Variants in SLC16A7 observed in about 807,000 individuals in gnomAD.
SLC16A7 encodes solute carrier family 16 member 7, also known as monocarboxylate transporter 2.
SLC16A7 carries 33 observed loss-of-function variants against 34.9 expected under a neutral mutation model. The ratio of observed to expected loss-of-function variants is 0.94; its 90% CI spans 0.72 to 1.26. SLC16A7 has a LOEUF of 1.26. Ranked by LOEUF, SLC16A7 falls within the 50% of genes most tolerant of loss-of-function variation. The pLI is 0.00. For synonymous variants in SLC16A7, 201 were observed against 206.6 expected (o/e 0.97, Z 0.23); for missense variants, 573 against 578.1 (o/e 0.99, Z 0.09).
In SLC16A7 at chr12:59,634,109, G is replaced by A. The variant is rs144183614; in HGVS notation, c.-129-21043G>A. 3.0e-4 allele frequency among the ~76,000 whole-genome samples: 46 copies of A among 152,168 alleles called. No homozygotes were observed. The East Asian group carries it at 7.8e-3, about 26-fold the overall frequency. ...TATCTTGTCCGTAGTCACATGGTTAGGATCACTTGATTCCAAATCTGCCAA... is the reference window on the plus strand; with the variant it reads ...TATCTTGTCCGTAGTCACATGGTTAAGATCACTTGATTCCAAATCTGCCAA... On this transcript the variant is annotated intron_variant, in intron 1 of 5. Transcript: ENST00000547379.
At chr12:59,723,551 G>A (rs1875865569) in intron 3 of SLC16A7, among the ~76,000 whole-genome samples, 1 of 151,956 alleles carries the variant, frequency 6.6e-6, no homozygotes, top group South Asian at 2.1e-4. Flanking sequence ...AATAATTGAT[G>A]AAAGGGAAAA....
In SLC16A7 at chr12:59,789,224, T is replaced by C. The variant is rs184248787; in HGVS notation, c.*9545T>C. ...GAAATGAATTGATAGATATTGATTATTAAAATGCTACTACAGTATTCTACG... is the reference window on the plus strand; with the variant it reads ...GAAATGAATTGATAGATATTGATTACTAAAATGCTACTACAGTATTCTACG... On this transcript the variant is annotated 3_prime_UTR_variant, in exon 6 of 6. Transcript: ENST00000547379. 12 of 152,272 alleles carry C rather than the reference T, an allele frequency of 7.9e-5. No homozygotes were observed. The allele number at this position is 152,272 out of a possible 1,614,324, so 9.4% of individuals were successfully genotyped here. A position where few individuals can be genotyped will look rare whatever the true frequency, so the allele number is the denominator to read the frequency against.
intron 2 of SLC16A7, among the ~76,000 whole-genome samples, chr12:59,703,633 A>C (rs1166297509): frequency 6.6e-6 from 1 of 152,080 alleles, no homozygotes; most frequent in East Asian, 1.9e-4. Context: ...CATTTTAGGG[A>C]TAGGGCCTGT....
At chr12:59,666,596 T>C (rs1429062928) in intron 2 of SLC16A7, among the ~76,000 whole-genome samples, 1 of 152,138 alleles carries the variant, frequency 6.6e-6, no homozygotes, top group Admixed American at 6.5e-5. Context: ...GAGTAAGTCC[T>C]GAGATCTGAT....
At chr12:59,716,558 C>CAAG (rs1300948920) in intron 3 of SLC16A7, among the ~76,000 whole-genome samples, 1 of 152,010 alleles carries the variant, frequency 6.6e-6, no homozygotes, top group Non-Finnish European at 1.5e-5. Context: ...TACAGAAATA[C>CAAG]AAGAATCAGC....
At chr12:59,674,812 A>C (rs1870173025) in intron 2 of SLC16A7, among the ~76,000 whole-genome samples, 2 of 152,216 alleles carry the variant, frequency 1.3e-5, no homozygotes, top group Non-Finnish European at 1.5e-5. Context: ...GTCATGCTAC[A>C]AAGATAGGAG....
In SLC16A7 at chr12:59,728,870, GA is replaced by G. The variant is rs1209615148; in HGVS notation, c.217+23853del. ...TTGTAGCGTACTTTTTTTCCTAGTAGAGGAAAATAGGAACCTAGAAATTCTG... is the reference window on the plus strand; with the variant it reads ...TTGTAGCGTACTTTTTTTCCTAGTAGGGAAAATAGGAACCTAGAAATTCTG... On this transcript the variant is annotated intron_variant, in intron 3 of 5. Coordinates refer to ENST00000547379, the MANE Select transcript of SLC16A7 (RefSeq NM_001270623.2). Among the ~76,000 whole-genome samples, 3 of 152,248 alleles carry G rather than the reference GA, an allele frequency of 2.0e-5. No individual in the cohort carries two copies. In the East Asian group the frequency reaches 5.8e-4, roughly 29 times the overall value.
chr12:59,648,446 C>T (rs997335712), intron 1 of SLC16A7, among the ~76,000 whole-genome samples: 6 of 152,176 alleles, frequency 3.9e-5, no homozygotes, highest in Middle Eastern at 3.4e-3. Flanking sequence ...GTACTTAGTA[C>T]GTTATATACG....
rs541075919 is a variant in SLC16A7, at chr12:59,639,936, A to T, written c.-129-15216A>T. On this transcript the variant is annotated intron_variant, in intron 1 of 5. Coordinates refer to ENST00000547379, the MANE Select transcript of SLC16A7 (RefSeq NM_001270623.2). ...CCAGATCTCCCACAACTTCTGTCCA[A>T]CATGGCCACAAATTGGGGATTCCAG... Among the ~76,000 whole-genome samples, 12 of 152,302 alleles carry T rather than the reference A, an allele frequency of 7.9e-5. No individual in the cohort carries two copies. The South Asian group carries it at 2.5e-3, about 32-fold the overall frequency.
In SLC16A7 at chr12:59,784,550, G is replaced by T. The variant is rs896407929; in HGVS notation, c.*4871G>T. The stretch of plus-strand genomic sequence containing the variant: ...CATTTAATACAACTTACCCTACACC[G>T]TAGCTTATTTTTCAAGTTTCTCTGA... On this transcript the variant is annotated 3_prime_UTR_variant, in exon 6 of 6. Coordinates refer to ENST00000547379, the MANE Select transcript of SLC16A7 (RefSeq NM_001270623.2). 1.3e-5 allele frequency: 2 copies of T among 151,984 alleles called. No individual in the cohort carries two copies. The highest frequency in any genetic ancestry group is 1.3e-4 in the Admixed American group (2 of 15,254). 9.4% of individuals were successfully genotyped at this position (151,984 alleles called of 1,614,324 possible). A position where few individuals can be genotyped will look rare whatever the true frequency, so the allele number is the denominator to read the frequency against.
At chr12:59,673,515 GTA>G (rs1870061532) in intron 2 of SLC16A7, among the ~76,000 whole-genome samples, 1 of 150,288 alleles carries the variant, frequency 6.7e-6, no homozygotes, top group African/African-American at 2.4e-5. Flanking sequence ...GTAATCTCTA[GTA>G]ATTTTTGTTA....
chr12:59,701,489 C>T (rs999266246), intron 2 of SLC16A7, among the ~76,000 whole-genome samples: 1 of 151,324 alleles, frequency 6.6e-6, no homozygotes, highest in Non-Finnish European at 1.5e-5. Flanking sequence ...TACATTCTGT[C>T]TTCTATTTTA....
rs1565641000 is a variant in SLC16A7 at position 59,671,957 on chromosome 12, ATATATGTGTATATATC to A, written c.-31+16708_-31+16723del. Among the ~76,000 whole-genome samples, 52 of 74,322 alleles carry A rather than the reference ATATATGTGTATATATC, an allele frequency of 7.0e-4. 9 individuals are homozygous for A. Among genetic ancestry groups the A allele is most frequent in the African/African-American group, 3.5e-3 (46 of 13,058 alleles). The allele number at this position is 74,322 out of a possible 152,430, so 48.8% of individuals were successfully genotyped here. ...TATATGTATATATGTGTATATATGTATATATGTGTATATATCCATATATCCGTATATATATGTGTAT... is the reference window on the plus strand; with the variant it reads ...TATATGTATATATGTGTATATATGTACATATATCCGTATATATATGTGTAT... On this transcript the variant is annotated intron_variant, in intron 2 of 5. Transcript: ENST00000547379.
chr12:59,610,077 A>G (rs1879126292), intron 1 of SLC16A7, among the ~76,000 whole-genome samples: 1 of 152,214 alleles, frequency 6.6e-6, no homozygotes, highest in South Asian at 2.1e-4. Context: ...TCCAAAATCC[A>G]TATTTTCCCT....
Position 59,780,415 on chromosome 12 carries a change from A to C in SLC16A7, c.*736A>C, listed in dbSNP as rs143247637. 212 of 152,232 alleles carry C rather than the reference A, an allele frequency of 1.4e-3. 1 individual carries two copies. Among genetic ancestry groups the C allele is most frequent in the Middle Eastern group, 6.8e-3 (2 of 294 alleles). 9.4% of individuals were successfully genotyped at this position (152,232 alleles called of 1,614,324 possible). On this transcript the variant is annotated 3_prime_UTR_variant, in exon 6 of 6. Coordinates refer to ENST00000547379, the MANE Select transcript of SLC16A7 (RefSeq NM_001270623.2). The stretch of plus-strand genomic sequence containing the variant: ...AAAAGAAAATCAATGTTAAACCATT[A>C]AATCTGAGCACTGTTAGACTTGATT...
intron 1 of SLC16A7, among the ~76,000 whole-genome samples, chr12:59,624,844 A>T (rs1363664352): frequency 6.6e-6 from 1 of 151,458 alleles, no homozygotes; most frequent in Non-Finnish European, 1.5e-5. Context: ...ATTGAGTGAC[A>T]GCAGGGCATA....
At chr12:59,769,711 T>G (rs1882038735) in intron 3 of SLC16A7, among the ~76,000 whole-genome samples, 1 of 151,726 alleles carries the variant, frequency 6.6e-6, no homozygotes, top group Admixed American at 6.6e-5. Context: ...TATAAAAGGA[T>G]ATGAGTGCAT....
intron 1 of SLC16A7, among the ~76,000 whole-genome samples, chr12:59,597,893 A>C (rs542643736): frequency 6.6e-6 from 1 of 152,362 alleles, no homozygotes; most frequent in African/African-American, 2.4e-5. Context: ...TTTGAATAAT[A>C]AGTGATCTGA....
At chr12:59,670,414 A>ACCC (rs539873573) in intron 2 of SLC16A7, among the ~76,000 whole-genome samples, 18 of 150,644 alleles carry the variant, frequency 1.2e-4, no homozygotes, top group African/African-American at 4.4e-4. Context: ...CTTCCAATCC[A>ACCC]CCCCCCCCAC....
Sources: allele counts gnomAD v4.1 joint callset (sites outside exome capture counted in the v4.1 genomes callset), GRCh38; gene constraint gnomAD v4.1.1; transcripts MANE v1.5; gene names NCBI Gene and HGNC (gene_info 2026-07-23, HGNC 2026-07-21).